The following DOCK9 variants were observed in gnomAD, a reference collection of about 807,000 sequenced individuals.
The protein encoded by DOCK9 is dedicator of cytokinesis protein 9.
A neutral mutation model predicts 263.3 loss-of-function variants in DOCK9; 89 were observed. That is an observed-to-expected ratio of 0.34 (90% CI 0.28 to 0.40). DOCK9 has a LOEUF of 0.40. Among genes scored for constraint, DOCK9 ranks in the 10% least tolerant of loss-of-function variants. The probability of loss-of-function intolerance (pLI) is 1.00; values close to 1 mark genes in which losing one functional copy is unlikely to be tolerated. For missense variants in DOCK9, 2,140 were observed against 2,603.4 expected (o/e 0.82, Z 3.87); for synonymous variants, 976 against 973.1 (o/e 1.00, Z -0.06).
At chr13:98,923,600 C>T (rs2052435415) in intron 4 of DOCK9, among the ~76,000 whole-genome samples, 3 of 152,130 alleles carry the variant, frequency 2.0e-5, no homozygotes. Context: ...AGCATAGCTT[C>T]TGGGGAGTTA....
chr13:98,956,126 C>T (rs1386524664), intron 1 of DOCK9, among the ~76,000 whole-genome samples: 2 of 152,224 alleles, frequency 1.3e-5, no homozygotes, highest in African/African-American at 4.8e-5. Context: ...GGCTGGGTCA[C>T]AGCCAGGGGG....
chr13:98,844,014 G>A (rs1168323540), intron 38 of DOCK9, among the ~76,000 whole-genome samples: 2 of 152,200 alleles, frequency 1.3e-5, no homozygotes, highest in South Asian at 2.1e-4. Flanking sequence ...TCAACCAATA[G>A]TGAGTTAACC....
Position 98,829,534 on chromosome 13 carries a change from G to A in DOCK9, c.4750-12C>T. 3 of 1,608,064 alleles carry A rather than the reference G, an allele frequency of 1.9e-6. No homozygotes were observed. Among genetic ancestry groups the A allele is most frequent in the South Asian group, 1.1e-5 (1 of 89,846 alleles). On this transcript the variant is annotated splice_polypyrimidine_tract_variant and intron_variant, in intron 42 of 52. Coordinates refer to ENST00000682017, the MANE Select transcript of DOCK9 (RefSeq NM_001366683.2). This position sits in a 1 kb window ranked among gnomAD's most constrained non-coding sequence, Gnocchi z 4.1. ...GAGAAGCTGGTGTGCTAAAACAAGG[G>A]TGGAAGAGGAAAGGACACATGGCTT...
chr13:98,892,953 C>T (rs1262294155), intron 15 of DOCK9, among the ~76,000 whole-genome samples: 1 of 152,184 alleles, frequency 6.6e-6, no homozygotes, highest in Non-Finnish European at 1.5e-5. Context: ...CTCCAGGACT[C>T]CCAGCACAGA....
chr13:98,872,370 CCTATTTTCTT>C (rs561498652), intron 27 of DOCK9, among the ~76,000 whole-genome samples: 60 of 152,048 alleles, frequency 3.9e-4, no homozygotes, highest in African/African-American at 1.3e-3. Context: ...TCCTCTTTCT[CCTATTTTCTT>C]CTACAACTTG....
At chr13:99,001,583 A>T (rs1308160733) in intron 1 of DOCK9, among the ~76,000 whole-genome samples, 1 of 152,216 alleles carries the variant, frequency 6.6e-6, no homozygotes, top group Non-Finnish European at 1.5e-5. Context: ...CAGACATCAC[A>T]CTAAGGTAAC....
In DOCK9 at chr13:98,805,023, ACTGCTCTTCCACCCCGCC is replaced by A. The variant is rs1239531699; in HGVS notation, c.5683_5700del (p.Gly1895_Gln1900del). Reference sequence around the variant, plus strand: ...CCTGTCAGGATGGTGCGCCGTTTGCACTGCTCTTCCACCCCGCCCTGCCTCTTCCCGGTCTGCGTAAAT... The same window carrying A: ...CCTGTCAGGATGGTGCGCCGTTTGCACTGCCTCTTCCCGGTCTGCGTAAAT... On this transcript the variant is annotated inframe_deletion, in exon 49 of 53. Transcript: ENST00000682017. 1 of 1,608,584 alleles carries A rather than the reference ACTGCTCTTCCACCCCGCC, an allele frequency of 6.2e-7. No individual in the cohort carries two copies. The highest frequency in any genetic ancestry group is 8.5e-7 in the Non-Finnish European group (1 of 1,177,614).
chr13:99,008,641 T>C (rs566433221), intron 1 of DOCK9, among the ~76,000 whole-genome samples: 53 of 152,348 alleles, frequency 3.5e-4, no homozygotes, highest in Middle Eastern at 3.4e-3. Flanking sequence ...CAAAATACTA[T>C]AGACTGGGTG....
intron 1 of DOCK9, among the ~76,000 whole-genome samples, chr13:98,983,504 G>A (rs1356578576): frequency 4.6e-5 from 7 of 152,178 alleles, no homozygotes; most frequent in Non-Finnish European, 8.8e-5. Flanking sequence ...GTGGCAGCCA[G>A]TGGTGGGAGG....
intron 1 of DOCK9, among the ~76,000 whole-genome samples, chr13:98,985,505 T>C (rs1188954262): frequency 2.0e-5 from 3 of 152,202 alleles, no homozygotes; most frequent in Non-Finnish European, 4.4e-5. Context: ...AAAATATACA[T>C]TGAATGAATT....
chr13:98,922,684 T>C (rs2052254328), intron 5 of DOCK9, among the ~76,000 whole-genome samples: 1 of 152,232 alleles, frequency 6.6e-6, no homozygotes, highest in African/African-American at 2.4e-5. Flanking sequence ...GAGTGGCTAA[T>C]GTTATAGCTC....
chr13:98,890,308 C>A lies in DOCK9; in HGVS notation c.1710-1597G>T, dbSNP rs59629549. 7.6e-3 allele frequency among the ~76,000 whole-genome samples: 1,155 copies of A among 152,272 alleles called. 15 individuals carry two copies. Among genetic ancestry groups the A allele is most frequent in the African/African-American group, 0.027 (1,120 of 41,550 alleles). On this transcript the variant is annotated intron_variant, in intron 15 of 52. Coordinates refer to ENST00000682017, the MANE Select transcript of DOCK9 (RefSeq NM_001366683.2). ...CAGACTGACACTAGCTCATTCATCA[C>A]CCTCCCTAGCATCTGGTTTTTCCAG...
At chr13:98,827,506 C>CG (rs1387241415) in intron 43 of DOCK9, among the ~76,000 whole-genome samples, 1 of 152,260 alleles carries the variant, frequency 6.6e-6, no homozygotes, top group Non-Finnish European at 1.5e-5. Context: ...CTAATGCATG[C>CG]GGTTCTGTGC....
chr13:99,008,568 A>G (rs528066655), intron 1 of DOCK9, among the ~76,000 whole-genome samples: 1 of 152,180 alleles, frequency 6.6e-6, no homozygotes, highest in Non-Finnish European at 1.5e-5. Flanking sequence ...ATACAAGACT[A>G]TATAACATAA....
intron 1 of DOCK9, among the ~76,000 whole-genome samples, chr13:99,003,829 T>C (rs144176072): frequency 2.0e-5 from 3 of 152,318 alleles, no homozygotes; most frequent in Middle Eastern, 3.4e-3. Context: ...CCCTGCAGGA[T>C]AAGTACAGTA....
chr13:98,801,821 C>T (rs2090144364), intron 49 of DOCK9, among the ~76,000 whole-genome samples: 1 of 152,208 alleles, frequency 6.6e-6, no homozygotes, highest in South Asian at 2.1e-4. Flanking sequence ...CCCTGTGAAA[C>T]ACAGAGTTCC....
intron 38 of DOCK9, among the ~76,000 whole-genome samples, chr13:98,844,884 A>G (rs2093342367): frequency 6.6e-6 from 1 of 152,248 alleles, no homozygotes; most frequent in African/African-American, 2.4e-5. Context: ...GGAATTTATT[A>G]TTAGACATGA....
At chr13:98,800,259 T>C (rs1269357880) in intron 50 of DOCK9, 29 bp downstream of exon 50, 1 of 1,556,762 alleles carries the variant, frequency 6.4e-7, no homozygotes, top group South Asian at 1.2e-5. Flanking sequence ...CGTCCCCTGC[T>C]GCCCTCCGGC....
At chr13:98,920,719 C>T (rs2051820625) in intron 7 of DOCK9, among the ~76,000 whole-genome samples, 2 of 152,238 alleles carry the variant, frequency 1.3e-5, no homozygotes, top group South Asian at 2.1e-4. Flanking sequence ...GGTCACGCAG[C>T]TATAAAGTGG....
Sources: gnomAD v4.1 joint callset for allele counts (sites outside exome capture counted in the v4.1 genomes callset) on GRCh38, gnomAD v4.1.1 for gene constraint, Gnocchi (gnomAD v3.1) non-coding constraint, MANE v1.5 for transcripts, NCBI Gene and HGNC (gene_info 2026-07-23, HGNC 2026-07-21) for gene names.